Variants in RANGAP1 observed in about 807,000 individuals in gnomAD.
The protein encoded by RANGAP1 is ran GTPase-activating protein 1.
RANGAP1 carries 38 observed loss-of-function variants against 63.5 expected under a neutral mutation model. The ratio of observed to expected loss-of-function variants is 0.60; its 90% CI spans 0.46 to 0.78. The LOEUF is 0.78. RANGAP1 is among the 30% of genes least tolerant of loss of function. The pLI is 0.00. For synonymous variants in RANGAP1, 329 were observed against 310.5 expected (o/e 1.06, Z -0.63); for missense variants, 630 against 740.3 (o/e 0.85, Z 1.73).
At chr22:41,281,301 A>G in intron 1 of RANGAP1, 3 of 773,666 alleles carry the variant, frequency 3.9e-6, no homozygotes, top group Non-Finnish European at 3.5e-6. Flanking sequence ...GTCTTAGCCT[A>G]TAAGAAGCTA....
Position 41,246,770 on chromosome 22 carries a change from G to A in RANGAP1, c.1695-98C>T, listed in dbSNP as rs1007192108. 11 of 1,137,506 alleles carry A rather than the reference G, an allele frequency of 9.7e-6. No individual in the cohort carries two copies. The African/African-American group carries it at 1.5e-4, about 16-fold the overall frequency. 70.5% of individuals were successfully genotyped at this position (1,137,506 alleles called of 1,614,324 possible). On this transcript the variant is annotated intron_variant, in intron 15 of 15. Transcript: ENST00000356244. ...GTGCCAGACTCATTTTTGTTAATTT[G>A]CACAACGACTCAGCAAGAGAGACAT...
intron 1 of RANGAP1, among the ~76,000 whole-genome samples, chr22:41,284,223 G>C (rs2035638615): frequency 6.6e-6 from 1 of 151,482 alleles, no homozygotes; most frequent in Non-Finnish European, 1.5e-5. Flanking sequence ...CTCCAGCCTG[G>C]GCAACAGAGC....
the RANGAP1 span, among the ~76,000 whole-genome samples, chr22:41,299,364 C>T: frequency 6.6e-6 from 1 of 151,930 alleles, no homozygotes; most frequent in African/African-American, 2.4e-5. Context: ...GATCTCCTGA[C>T]CTTGTGATCC....
At chr22:41,249,967 C>A in intron 13 of RANGAP1, 150 bp from the exon 14 acceptor site, 1 of 682,066 alleles carries the variant, frequency 1.5e-6, no homozygotes, top group Non-Finnish European at 2.6e-6. Flanking sequence ...GGCAGAGACA[C>A]AGGAACCAGA....
intron 5 of RANGAP1, among the ~76,000 whole-genome samples, chr22:41,263,048 A>G (rs575616856): frequency 6.6e-6 from 1 of 152,286 alleles, no homozygotes; most frequent in East Asian, 1.9e-4. Flanking sequence ...ACCTAATCAA[A>G]TCAGTGGTCA....
intron 6 of RANGAP1, among the ~76,000 whole-genome samples, chr22:41,261,128 C>T (rs2034143880): frequency 6.6e-6 from 1 of 152,224 alleles, no homozygotes; most frequent in South Asian, 2.1e-4. Flanking sequence ...AGCACTCGCA[C>T]CATCTCACTT....
At chr22:41,268,058 G>A in intron 4 of RANGAP1, 39 bp downstream of exon 4, 2 of 1,481,384 alleles carry the variant, frequency 1.4e-6, no homozygotes, top group South Asian at 1.2e-5. Context: ...GCCAAAGAGG[G>A]CCTTGCGCGT....
chr22:41,252,184 T>G (rs2033501454), intron 12 of RANGAP1, among the ~76,000 whole-genome samples: 2 of 151,542 alleles, frequency 1.3e-5, no homozygotes, highest in South Asian at 4.2e-4. Context: ...ATACAAAAAT[T>G]AGCTGGGCGC....
chr22:41,281,753 T>C (rs923801148), intron 1 of RANGAP1: 12 of 549,262 alleles, frequency 2.2e-5, no homozygotes, highest in Non-Finnish European at 2.6e-5. Flanking sequence ...CCTACTATAC[T>C]CAAGTCTACC....
intron 10 of RANGAP1, among the ~76,000 whole-genome samples, chr22:41,254,897 T>C (rs934212819): frequency 1.6e-4 from 24 of 150,028 alleles, no homozygotes; most frequent in Admixed American, 2.7e-4. Flanking sequence ...GCGTGAACCC[T>C]GGAGGCGGAG....
chr22:41,281,288 C>G, intron 1 of RANGAP1: 2 of 783,770 alleles, frequency 2.6e-6, no homozygotes, highest in Non-Finnish European at 3.5e-6. Flanking sequence ...ACAGAAAAAT[C>G]ATGTCTTAGC....
intron 3 of RANGAP1, among the ~76,000 whole-genome samples, chr22:41,271,692 CAA>C (rs55943126): frequency 2.2e-4 from 25 of 112,984 alleles, no homozygotes; most frequent in Admixed American, 2.9e-4. Context: ...GACTCCGTCT[CAA>C]AAAAAAAAAA....
chr22:41,257,189 C>T lies in RANGAP1; in HGVS notation c.775-365G>A, dbSNP rs2033893853. On this transcript the variant is annotated intron_variant, in intron 7 of 15. Coordinates refer to ENST00000356244, the MANE Select transcript of RANGAP1 (RefSeq NM_002883.4). This position sits in a 1 kb window ranked among gnomAD's most constrained non-coding sequence, Gnocchi z 4.0. ...CCAAAATGTGATCTCTTCCAGGAAG[C>T]CTGCCCTAAGTCTGATTTGAACTTC... Among the ~76,000 whole-genome samples the T allele has an allele frequency of 6.6e-6, 1 of 152,164 alleles. No individual in the cohort carries two copies. The highest frequency in any genetic ancestry group is 1.5e-5 in the Non-Finnish European group (1 of 68,020).
intron 5 of RANGAP1, among the ~76,000 whole-genome samples, chr22:41,263,055 G>A (rs1601638481): frequency 6.6e-6 from 1 of 152,166 alleles, no homozygotes; most frequent in East Asian, 1.9e-4. Context: ...CAAATCAGTG[G>A]TCAGGGAGGC....
At chr22:41,262,234 A>G (rs1355800315) in intron 5 of RANGAP1, among the ~76,000 whole-genome samples, 2 of 152,188 alleles carry the variant, frequency 1.3e-5, no homozygotes, top group Non-Finnish European at 2.9e-5. Context: ...GCCAGGAAGT[A>G]GCTTCTACCC....
intron 14 of RANGAP1, 127 bp from the exon 15 acceptor site, chr22:41,249,578 C>A: frequency 6.5e-7 from 1 of 1,537,504 alleles, no homozygotes; most frequent in Non-Finnish European, 8.8e-7. Flanking sequence ...TCGTGAAGAC[C>A]AAGGCTGCTG....
At chr22:41,254,608 G>C (rs2033699591) in intron 10 of RANGAP1, 114 bp from the exon 11 acceptor site, 1 of 1,484,790 alleles carries the variant, frequency 6.7e-7, no homozygotes, top group Non-Finnish European at 8.9e-7. Flanking sequence ...AGAGAGCCTG[G>C]TGGGGTGGGA....
In RANGAP1 at chr22:41,252,735, T is replaced by C. The variant is rs887906232; in HGVS notation, c.1380+137A>G. On this transcript the variant is annotated intron_variant, in intron 12 of 15. Coordinates refer to ENST00000356244, the MANE Select transcript of RANGAP1 (RefSeq NM_002883.4). ...ATACCCTGGACATTTGCGCGTGTTG[T>C]AACAGTGGCAGGCCAAGCCTCCCTG... is the stretch of plus-strand genomic sequence containing the variant. The C allele has an allele frequency of 2.2e-5, 23 of 1,051,086 alleles. No individual in the cohort carries two copies. The African/African-American group carries it at 2.4e-4, about 11-fold the overall frequency. 65.1% of individuals were successfully genotyped at this position (1,051,086 alleles called of 1,614,324 possible). A position where few individuals can be genotyped will look rare whatever the true frequency, so the allele number is the denominator to read the frequency against.
chr22:41,275,890 G>A (rs1442943334), intron 2 of RANGAP1, among the ~76,000 whole-genome samples: 2 of 152,130 alleles, frequency 1.3e-5, no homozygotes, highest in East Asian at 1.9e-4. Context: ...AGGCTGCAAT[G>A]AGCCATGATC....
Sources: gnomAD v4.1 joint callset for allele counts (sites outside exome capture counted in the v4.1 genomes callset) on GRCh38, gnomAD v4.1.1 for gene constraint, Gnocchi (gnomAD v3.1) non-coding constraint, MANE v1.5 for transcripts, NCBI Gene and HGNC (gene_info 2026-07-23, HGNC 2026-07-21) for gene names.